Variants in MTMR3 observed in about 807,000 individuals in gnomAD.
MTMR3 encodes phosphatidylinositol-3,5-bisphosphate 3-phosphatase MTMR3.
In MTMR3, 32 loss-of-function variants were observed where a neutral mutation model predicts 132.4. The ratio of observed to expected loss-of-function variants is 0.24; its 90% CI spans 0.18 to 0.32. The LOEUF is 0.32. MTMR3 is among the 10% of genes least tolerant of loss of function. MTMR3 has a pLI of 1.00. For synonymous variants in MTMR3, 556 were observed against 550.3 expected (o/e 1.01, Z -0.14); for missense variants, 1,216 against 1,489.6 (o/e 0.82, Z 3.02).
chr22:29,895,538 T>TGAAC (rs1483327240), intron 1 of MTMR3, among the ~76,000 whole-genome samples: 2 of 152,270 alleles, frequency 1.3e-5, no homozygotes, highest in Admixed American at 1.3e-4. Context: ...AGTGGTTAGT[T>TGAAC]GAATATGGTG....
At chr22:30,003,096 C>G (rs575587293) in intron 9 of MTMR3, 103 bp downstream of exon 9, 210 of 866,928 alleles carry the variant, frequency 2.4e-4, no homozygotes, top group African/African-American at 9.6e-4. Flanking sequence ...GGGGAGAGTT[C>G]AGAGAACTTT....
chr22:29,887,509 C>T (rs2064702868), intron 1 of MTMR3, among the ~76,000 whole-genome samples: 1 of 152,166 alleles, frequency 6.6e-6, no homozygotes, highest in South Asian at 2.1e-4. Flanking sequence ...ACCAATATCA[C>T]TGATATGGCA....
intron 1 of MTMR3, among the ~76,000 whole-genome samples, chr22:29,956,595 A>G (rs2066196613): frequency 6.6e-6 from 1 of 152,134 alleles, no homozygotes; most frequent in Non-Finnish European, 1.5e-5. Context: ...TTCTTAAACA[A>G]AAGGTCAGAT....
intron 1 of MTMR3, among the ~76,000 whole-genome samples, chr22:29,903,369 T>A (rs1322233153): frequency 6.7e-6 from 1 of 148,450 alleles, no homozygotes; most frequent in East Asian, 2.0e-4. Context: ...TGTTTTTGAT[T>A]TTCTTTTTTT....
chr22:30,019,708 A>G lies in MTMR3; in HGVS notation c.2049A>G (p.Gly683=). Reference sequence around the variant, plus strand: ...GTGCCGAGCTTTCTGTTGCAGCCGGAGTAGCTGAGGGGCAGATGGAGAACA... The same window carrying G: ...GTGCCGAGCTTTCTGTTGCAGCCGGGGTAGCTGAGGGGCAGATGGAGAACA... ...PGGAELSVAA[G]VAEGQMENIL... Residue 683 remains glycine (G), a synonymous_variant, in exon 17 of 20, where the codon GGA becomes GGG. Transcript: ENST00000401950. 4 of 1,614,216 alleles carry G rather than the reference A, an allele frequency of 2.5e-6. No homozygotes were observed. Among genetic ancestry groups the G allele is most frequent in the Middle Eastern group, 1.6e-4 (1 of 6,062 alleles).
At position 29,971,175 on chromosome 22, in the gene MTMR3, TTC is replaced by T. The variant is rs1169860886; in HGVS notation, c.3+115_3+116del. ...CATTTTTGTTTTTGTAAGAAATTAT[TTC>T]TTTTTCTTTCCCAGATCTCTTGTGT... On this transcript the variant is annotated intron_variant, in intron 3 of 19. Transcript: ENST00000401950. 23 of 1,061,064 alleles carry T rather than the reference TTC, an allele frequency of 2.2e-5. No individual in the cohort carries two copies. In the East Asian group the frequency reaches 2.8e-4, roughly 13 times the overall value. 65.7% of individuals were successfully genotyped at this position (1,061,064 alleles called of 1,614,324 possible). A position where few individuals can be genotyped will look rare whatever the true frequency, so the allele number is the denominator to read the frequency against.
At chr22:29,945,170 G>A (rs959079600) in intron 1 of MTMR3, among the ~76,000 whole-genome samples, 1 of 152,038 alleles carries the variant, frequency 6.6e-6, no homozygotes, top group Non-Finnish European at 1.5e-5. Context: ...GTGCCATGAG[G>A]CCTGGCGAAT....
At chr22:29,929,772 A>G (rs1254274716) in intron 1 of MTMR3, among the ~76,000 whole-genome samples, 1 of 152,152 alleles carries the variant, frequency 6.6e-6, no homozygotes, top group African/African-American at 2.4e-5. Flanking sequence ...TTGGCCTCCA[A>G]AAGTGCTGGA....
At chr22:29,970,029 GT>G (rs775770698) in intron 2 of MTMR3, among the ~76,000 whole-genome samples, 1 of 152,142 alleles carries the variant, frequency 6.6e-6, no homozygotes, top group African/African-American at 2.4e-5. Context: ...AGAAATGTTG[GT>G]TTTGCATGAG....
intron 1 of MTMR3, among the ~76,000 whole-genome samples, chr22:29,923,383 T>A (rs1334685304): frequency 6.6e-6 from 1 of 151,922 alleles, no homozygotes. Flanking sequence ...GTATTTTTTT[T>A]ATGTAGACAT....
At chr22:29,975,129 G>A (rs1026495370) in intron 3 of MTMR3, among the ~76,000 whole-genome samples, 1 of 152,132 alleles carries the variant, frequency 6.6e-6, no homozygotes, top group African/African-American at 2.4e-5. Context: ...TAGTATTAGA[G>A]TATAGTAGAG....
intron 2 of MTMR3, among the ~76,000 whole-genome samples, chr22:29,963,899 A>T (rs2066364003): frequency 6.6e-6 from 1 of 151,112 alleles, no homozygotes; most frequent in South Asian, 2.1e-4. Context: ...AGCCCATCCC[A>T]CCTTTGGGCT....
In MTMR3 at chr22:30,026,123, C is replaced by T. The variant is rs1601449512; in HGVS notation, c.*322C>T. 3.5e-6 allele frequency: 1 copy of T among 283,060 alleles called. No homozygotes were observed. The highest frequency in any genetic ancestry group is 6.0e-5 in the South Asian group (1 of 16,652). 17.5% of individuals were successfully genotyped at this position (283,060 alleles called of 1,614,324 possible). On this transcript the variant is annotated 3_prime_UTR_variant, in exon 20 of 20. Transcript: ENST00000401950. The stretch of plus-strand genomic sequence containing the variant: ...TGCCGAGCTGCCTGCTGTCACGTGA[C>T]ACTGAGGGATGGCTTGTTTCTTCCG...
At chr22:29,949,027 G>C (rs990215830) in intron 1 of MTMR3, among the ~76,000 whole-genome samples, 1 of 150,546 alleles carries the variant, frequency 6.6e-6, no homozygotes, top group African/African-American at 2.4e-5. Context: ...GAGCCTGAAA[G>C]GTTGATGCTG....
At chr22:29,927,616 T>C (rs1441793280) in intron 1 of MTMR3, among the ~76,000 whole-genome samples, 1 of 152,198 alleles carries the variant, frequency 6.6e-6, no homozygotes, top group Non-Finnish European at 1.5e-5. Context: ...GTGGTAGTGG[T>C]AGAGGTTTAT....
rs1194386880 is a variant in MTMR3 at position 30,020,503 on chromosome 22, C to T, written c.2844C>T (p.Leu948=). The T allele has an allele frequency of 1.9e-6, 3 of 1,614,204 alleles. No individual in the cohort carries two copies. The highest frequency in any genetic ancestry group is 1.3e-5 in the African/African-American group (1 of 75,060). The change falls in exon 17 of 20, where the codon CTC becomes CTT. Residue 948 remains leucine (L), a synonymous_variant. Coordinates refer to ENST00000401950, the MANE Select transcript of MTMR3 (RefSeq NM_021090.4). ...ASEQPPGLST[L]QMYPTPNGHC... ...AGCAGCCCCCAGGTCTTAGCACCCTCCAGATGTACCCCACACCCAATGGGC... is the reference window on the plus strand; with the variant it reads ...AGCAGCCCCCAGGTCTTAGCACCCTTCAGATGTACCCCACACCCAATGGGC...
chr22:29,903,231 A>G (rs886829433), intron 1 of MTMR3, among the ~76,000 whole-genome samples: 1 of 152,146 alleles, frequency 6.6e-6, no homozygotes, highest in Non-Finnish European at 1.5e-5. Context: ...TCTCAAAAAA[A>G]TAAAATAAAA....
At chr22:29,941,603 G>A (rs972573066) in intron 1 of MTMR3, among the ~76,000 whole-genome samples, 2 of 152,144 alleles carry the variant, frequency 1.3e-5, no homozygotes, top group South Asian at 4.1e-4. Flanking sequence ...TAGTTCAGTG[G>A]ATGTAAAAGG....
chr22:29,957,626 C>T (rs930001612), intron 2 of MTMR3, among the ~76,000 whole-genome samples: 3 of 151,838 alleles, frequency 2.0e-5, no homozygotes, highest in Non-Finnish European at 2.9e-5. Context: ...AGTTTGGAAA[C>T]TTTTTTTGTA....
Sources: allele counts gnomAD v4.1 joint callset (sites outside exome capture counted in the v4.1 genomes callset), GRCh38; gene constraint gnomAD v4.1.1; transcripts MANE v1.5; gene names NCBI Gene and HGNC (gene_info 2026-07-23, HGNC 2026-07-21).